SLC14A2: variants seen among roughly 807,000 people sequenced by gnomAD.
The protein encoded by SLC14A2 is solute carrier family 14 member 2.
Under a neutral mutation model 104.6 loss-of-function variants are expected in SLC14A2, and 91 were observed. The ratio of observed to expected loss-of-function variants is 0.87; its 90% CI spans 0.73 to 1.04. SLC14A2 has a LOEUF of 1.04. SLC14A2 is among the 50% of genes least tolerant of loss of function. SLC14A2 has a pLI of 0.00. For missense variants in SLC14A2, 1,189 were observed against 1,156.0 expected (o/e 1.03, Z -0.41); for synonymous variants, 476 against 466.4 (o/e 1.02, Z -0.27).
At chr18:45,494,581 A>C (rs1160508115) in intron 2 of SLC14A2, among the ~76,000 whole-genome samples, 1 of 151,162 alleles carries the variant, frequency 6.6e-6, no homozygotes, top group African/African-American at 2.4e-5. Context: ...TTTTTTTTTT[A>C]AATAGCGACA....
intron 1 of SLC14A2, among the ~76,000 whole-genome samples, chr18:45,302,543 C>T (rs998847965): frequency 5.9e-5 from 9 of 152,218 alleles, no homozygotes; most frequent in African/African-American, 1.9e-4. Flanking sequence ...AATCTTTCCA[C>T]AATGTCTGCC....
At chr18:45,248,501 C>T (rs1269228085) in intron 1 of SLC14A2, among the ~76,000 whole-genome samples, 1 of 151,994 alleles carries the variant, frequency 6.6e-6, no homozygotes, top group Non-Finnish European at 1.5e-5. Flanking sequence ...CATAAGACCC[C>T]TGGACCACAG....
At chr18:45,251,000 G>T (rs1481147896) in intron 1 of SLC14A2, among the ~76,000 whole-genome samples, 1 of 152,028 alleles carries the variant, frequency 6.6e-6, no homozygotes, top group East Asian at 1.9e-4. Context: ...TCATAATTCA[G>T]CCATAGACAT....
intron 1 of SLC14A2, among the ~76,000 whole-genome samples, chr18:45,441,638 T>TG (rs1381651623): frequency 2.0e-5 from 3 of 152,202 alleles, no homozygotes; most frequent in Non-Finnish European, 4.4e-5. Context: ...CCCATACATG[T>TG]GTGTTTGTGA....
intron 1 of SLC14A2, among the ~76,000 whole-genome samples, chr18:45,316,962 T>A (rs993456440): frequency 8.5e-5 from 13 of 152,344 alleles, no homozygotes; most frequent in African/African-American, 3.1e-4. Context: ...CTCATTTATG[T>A]TCACAGCAAA....
chr18:45,209,527 C>T (rs8083006), upstream of SLC14A2, among the ~76,000 whole-genome samples: 45,201 of 151,332 alleles, frequency 0.3, 6,996 homozygotes, highest in African/African-American at 0.39. Flanking sequence ...TTTAAAGTAA[C>T]TAGAATCACC....
At chr18:45,193,209 T>G in the SLC14A2 span, among the ~76,000 whole-genome samples, 1 of 152,224 alleles carries the variant, frequency 6.6e-6, no homozygotes. Flanking sequence ...CTTAAGAGTC[T>G]CTTTCAAAGA....
chr18:45,542,035 G>GTTTTTTTTTTTTTTTTTT (rs60977948), intron 2 of SLC14A2, among the ~76,000 whole-genome samples: 6 of 54,234 alleles, frequency 1.1e-4, no homozygotes, highest in Non-Finnish European at 2.2e-4. Context: ...AAGAGAGAGG[G>GTTTTTTTTTTTTTTTTTT]TTTTTTTTTT....
At chr18:45,664,903 T>C (rs1411402434) in intron 11 of SLC14A2, among the ~76,000 whole-genome samples, 1 of 152,140 alleles carries the variant, frequency 6.6e-6, no homozygotes, top group African/African-American at 2.4e-5. Flanking sequence ...AATAAATTCC[T>C]CCTAACATCG....
the SLC14A2 span, among the ~76,000 whole-genome samples, chr18:45,184,154 A>T: frequency 1.3e-5 from 2 of 151,336 alleles, no homozygotes; most frequent in Non-Finnish European, 3.0e-5. Context: ...TCTATTTTTT[A>T]AAACTGCTTA....
chr18:45,481,649 T>C (rs1181236268), intron 1 of SLC14A2, among the ~76,000 whole-genome samples: 1 of 152,170 alleles, frequency 6.6e-6, no homozygotes, highest in African/African-American at 2.4e-5. Flanking sequence ...ATTTAAAAAG[T>C]TGAATTTATT....
At chr18:45,494,670 T>G (rs946584576) in intron 2 of SLC14A2, among the ~76,000 whole-genome samples, 9 of 152,072 alleles carry the variant, frequency 5.9e-5, no homozygotes, top group Non-Finnish European at 8.8e-5. Context: ...CCCAAAGCGC[T>G]GGGATTACAG....
intron 2 of SLC14A2, among the ~76,000 whole-genome samples, chr18:45,538,361 CA>C (rs1476597373): frequency 1.3e-5 from 2 of 152,202 alleles, no homozygotes; most frequent in African/African-American, 4.8e-5. Context: ...TTACATGGGA[CA>C]AAACCTTGCT....
At chr18:45,234,538 G>A (rs1161316100) in intron 1 of SLC14A2, among the ~76,000 whole-genome samples, 1 of 152,176 alleles carries the variant, frequency 6.6e-6, no homozygotes, top group Non-Finnish European at 1.5e-5. Context: ...TCAAAATTTT[G>A]GAGGTAAAGC....
chr18:45,601,497 G>A (rs950995270), intron 2 of SLC14A2, among the ~76,000 whole-genome samples: 1 of 152,188 alleles, frequency 6.6e-6, no homozygotes, highest in South Asian at 2.1e-4. Flanking sequence ...AAGGGACAAG[G>A]TTGGATCCAT....
chr18:45,402,108 C>T (rs889122487), intron 1 of SLC14A2, among the ~76,000 whole-genome samples: 2 of 152,064 alleles, frequency 1.3e-5, no homozygotes, highest in Admixed American at 6.5e-5. Context: ...GTACTGAGCA[C>T]GTAAGACAGA....
At chr18:45,317,299 C>G (rs2085139295) in intron 1 of SLC14A2, among the ~76,000 whole-genome samples, 1 of 152,210 alleles carries the variant, frequency 6.6e-6, no homozygotes, top group Non-Finnish European at 1.5e-5. Context: ...ATCATGACAT[C>G]AGCCCATAGT....
chr18:45,251,182 GC>G, intron 1 of SLC14A2, among the ~76,000 whole-genome samples: 1 of 152,172 alleles, frequency 6.6e-6, no homozygotes, highest in African/African-American at 2.4e-5. Context: ...CCCTCTTCCT[GC>G]CCTTTCCCTC....
chr18:45,369,697 A>C (rs2085702488), intron 1 of SLC14A2, among the ~76,000 whole-genome samples: 1 of 152,232 alleles, frequency 6.6e-6, no homozygotes, highest in Admixed American at 6.5e-5. Flanking sequence ...TACATATTTT[A>C]CGTATGAACT....
Sources: gnomAD v4.1 joint callset for allele counts (sites outside exome capture counted in the v4.1 genomes callset) on GRCh38, gnomAD v4.1.1 for gene constraint, MANE v1.5 for transcripts, NCBI Gene and HGNC (gene_info 2026-07-23, HGNC 2026-07-21) for gene names.